Variants in TOP6BL observed in about 807,000 individuals in gnomAD.
TOP6BL encodes the protein TOP6B like initiator of meiotic double strand breaks.
chr11:66,771,496 C>T, the TOP6BL span: 5 of 152,542 alleles, frequency 3.3e-5, no homozygotes, highest in African/African-American at 1.2e-4. Context: ...TTCAAGAGAT[C>T]CTCTGCACCC....
the TOP6BL span, among the ~76,000 whole-genome samples, chr11:66,770,890 G>A: frequency 2.6e-5 from 4 of 151,886 alleles, no homozygotes; most frequent in Non-Finnish European, 4.4e-5. Flanking sequence ...CAGTCTCCAG[G>A]CTTGGGTAAT....
the TOP6BL span, among the ~76,000 whole-genome samples, chr11:66,799,718 CAAAA>C: frequency 7.3e-6 from 1 of 136,600 alleles, no homozygotes; most frequent in South Asian, 2.3e-4. Flanking sequence ...AACTCCGTCT[CAAAA>C]AAAAAAAAAG....
At chr11:66,823,449 T>C in the TOP6BL span, among the ~76,000 whole-genome samples, 2 of 152,200 alleles carry the variant, frequency 1.3e-5, no homozygotes, top group Non-Finnish European at 2.9e-5. Flanking sequence ...GTTGGAATAG[T>C]AGTATGTATA....
At chr11:66,826,658 G>A in the TOP6BL span, among the ~76,000 whole-genome samples, 1 of 150,790 alleles carries the variant, frequency 6.6e-6, no homozygotes, top group African/African-American at 2.4e-5. Context: ...TCTTGGGTGG[G>A]TCACTTCTTT....
chr11:66,760,625 CAAA>C, the TOP6BL span, among the ~76,000 whole-genome samples: 13 of 54,142 alleles, frequency 2.4e-4, no homozygotes, highest in Admixed American at 3.5e-3. Flanking sequence ...CCCATCTTTA[CAAA>C]AAAAAAAAAA....
the TOP6BL span, chr11:66,815,952 A>C: frequency 3.3e-6 from 4 of 1,214,922 alleles, no homozygotes; most frequent in Non-Finnish European, 4.5e-6. Context: ...TAGATCTCCT[A>C]TTCTCAGATC....
chr11:66,786,617 CAT>C, the TOP6BL span, among the ~76,000 whole-genome samples: 605 of 152,248 alleles, frequency 4.0e-3, 2 homozygotes, highest in Non-Finnish European at 7.3e-3. Context: ...AACCTTTTCT[CAT>C]ATATCCACAT....
chr11:66,759,174 A>G, the TOP6BL span: 3 of 1,013,424 alleles, frequency 3.0e-6, no homozygotes. Flanking sequence ...CAAATTTATA[A>G]TGAAAGAAAG....
the TOP6BL span, among the ~76,000 whole-genome samples, chr11:66,791,811 T>C: frequency 1.3e-5 from 2 of 151,794 alleles, no homozygotes; most frequent in Non-Finnish European, 2.9e-5. Context: ...TCTTCCTCTT[T>C]CTAATAATTT....
chr11:66,816,306 A>C, the TOP6BL span: 711 of 1,271,490 alleles, frequency 5.6e-4, 4 homozygotes, highest in African/African-American at 8.1e-3. Context: ...CTGTAGAATA[A>C]ATAAGTTCAG....
chr11:66,778,359 A>G, the TOP6BL span, among the ~76,000 whole-genome samples: 1 of 152,106 alleles, frequency 6.6e-6, no homozygotes, highest in Non-Finnish European at 1.5e-5. Flanking sequence ...TAGGTCATCT[A>G]TCCCAGCTAC....
chr11:66,797,891 CTT>C, the TOP6BL span, among the ~76,000 whole-genome samples: 5 of 152,180 alleles, frequency 3.3e-5, no homozygotes, highest in African/African-American at 1.2e-4. Flanking sequence ...AAGATAAACA[CTT>C]AAGCATATCT....
the TOP6BL span, among the ~76,000 whole-genome samples, chr11:66,827,089 C>T: frequency 6.6e-6 from 1 of 150,714 alleles, no homozygotes; most frequent in Non-Finnish European, 1.5e-5. Flanking sequence ...TCAAGCGATT[C>T]TCCTGCCTCA....
chr11:66,781,156 C>T, the TOP6BL span, among the ~76,000 whole-genome samples: 2 of 151,984 alleles, frequency 1.3e-5, no homozygotes, highest in Non-Finnish European at 2.9e-5. Flanking sequence ...ATTTTATTCT[C>T]CTATCCTCCT....
the TOP6BL span, chr11:66,828,462 T>A: frequency 1.2e-6 from 1 of 819,274 alleles, no homozygotes; most frequent in Non-Finnish European, 2.0e-6. Context: ...TCAGACTGCA[T>A]AATCTGAGGT....
chr11:66,839,020 CG>C, the TOP6BL span: 1 of 413,464 alleles, frequency 2.4e-6, no homozygotes, highest in South Asian at 1.7e-5. Context: ...CGTGAGCCAC[CG>C]CGCCCGGCCT....
chr11:66,786,371 GTAT>G, the TOP6BL span, among the ~76,000 whole-genome samples: 3 of 151,494 alleles, frequency 2.0e-5, no homozygotes, highest in Admixed American at 1.3e-4. Flanking sequence ...AAAAATATTT[GTAT>G]TATTTTATAT....
the TOP6BL span, among the ~76,000 whole-genome samples, chr11:66,809,751 TA>T: frequency 6.6e-6 from 1 of 152,218 alleles, no homozygotes; most frequent in Non-Finnish European, 1.5e-5. Flanking sequence ...TTGCCCAGGC[TA>T]AAGTGCAGTT....
the TOP6BL span, among the ~76,000 whole-genome samples, chr11:66,751,041 G>C: frequency 6.6e-6 from 1 of 151,368 alleles, no homozygotes; most frequent in South Asian, 2.1e-4. Context: ...TTAGAGACAG[G>C]GTCTTACTCT....
Sources: gnomAD v4.1 joint callset for allele counts (sites outside exome capture counted in the v4.1 genomes callset) on GRCh38, gnomAD v4.1.1 for gene constraint, MANE v1.5 for transcripts, NCBI Gene and HGNC (gene_info 2026-07-23, HGNC 2026-07-21) for gene names.